SLC9A7: variants seen among roughly 807,000 people sequenced by gnomAD.
The protein encoded by SLC9A7 is solute carrier family 9 member A7.
A neutral mutation model predicts 52.6 loss-of-function variants in SLC9A7; 19 were observed. The observed-to-expected ratio is 0.36, with a 90% CI of 0.25 to 0.53. The LOEUF is 0.53. SLC9A7 is among the 20% of genes least tolerant of loss of function. The pLI is 0.91. For synonymous variants in SLC9A7, 226 were observed against 252.1 expected, an observed-to-expected ratio of 0.90 and a Z score of 0.98; for missense variants, 455 against 597.9, an observed-to-expected ratio of 0.76 and a Z score of 2.49.
intron 11 of SLC9A7, among the ~76,000 whole-genome samples, chrX:46,646,369 A>G (rs1943492452): frequency 8.9e-6 from 1 of 111,853 alleles, no homozygotes; most frequent in African/African-American, 3.3e-5. Context: ...CTTGGACTGA[A>G]AATCTGTGCC....
chrX:46,606,651 G>T lies in SLC9A7; in HGVS notation c.*301C>A. On this transcript the variant is annotated 3_prime_UTR_variant, in exon 17 of 17. Transcript: ENST00000616978. ...TGCCTCGCCTTGTTCAGATACTGCAGGTGAATGAATTAGGAGACCATTAAA... is the reference window on the plus strand; with the variant it reads ...TGCCTCGCCTTGTTCAGATACTGCATGTGAATGAATTAGGAGACCATTAAA... 1.0e-6 allele frequency: 1 copy of T among 972,324 alleles called. No homozygotes were observed. Among genetic ancestry groups the T allele is most frequent in the East Asian group, 4.8e-5 (1 of 20,807 alleles). 80.1% of individuals were successfully genotyped at this position (972,324 alleles called of 1,213,427 possible). A position where few individuals can be genotyped will look rare whatever the true frequency, so the allele number is the denominator to read the frequency against.
intron 1 of SLC9A7, among the ~76,000 whole-genome samples, chrX:46,699,508 G>C (rs1288608081): frequency 1.8e-5 from 2 of 111,819 alleles, no homozygotes; most frequent in Non-Finnish European, 3.8e-5. Flanking sequence ...AGTGTAGGTT[G>C]ATTATACTTG....
intron 1 of SLC9A7, among the ~76,000 whole-genome samples, chrX:46,683,440 A>T (rs112891731): frequency 9.0e-6 from 1 of 111,519 alleles, no homozygotes; most frequent in Non-Finnish European, 1.9e-5. Flanking sequence ...GGGAAGTGAA[A>T]CACTGCAGTG....
chrX:46,695,972 T>TTTAC (rs766780395), intron 1 of SLC9A7, among the ~76,000 whole-genome samples: 56 of 90,173 alleles, frequency 6.2e-4, no homozygotes, highest in African/African-American at 1.5e-3. Flanking sequence ...ACTTTATATT[T>TTTAC]TTACTTATTT....
chrX:46,629,602 G>A (rs776797526), intron 14 of SLC9A7, among the ~76,000 whole-genome samples: 2 of 111,854 alleles, frequency 1.8e-5, no homozygotes, highest in Non-Finnish European at 3.8e-5. Flanking sequence ...CAGCAAAGGG[G>A]GTGGGGATGT....
chrX:46,729,348 G>C, intron 1 of SLC9A7, among the ~76,000 whole-genome samples: 1 of 112,300 alleles, frequency 8.9e-6, no homozygotes, highest in Admixed American at 9.4e-5. Flanking sequence ...TTGTAGAATT[G>C]TTTGGTGCAT....
chrX:46,730,670 T>TTCTATATATATATA (rs1945016902), intron 1 of SLC9A7, among the ~76,000 whole-genome samples: 1 of 42,928 alleles, frequency 2.3e-5, no homozygotes, highest in Non-Finnish European at 4.7e-5. Context: ...AAAAAAAAAA[T>TTCTATATATATATA]TATATATATA....
chrX:46,635,846 T>C (rs779859276), intron 12 of SLC9A7, among the ~76,000 whole-genome samples, 198 bp from the exon 13 acceptor site: 4 of 111,614 alleles, frequency 3.6e-5, no homozygotes, highest in Non-Finnish European at 7.5e-5. Flanking sequence ...AAGGCAACAA[T>C]GTCAAGAGCC....
rs200224398 is a variant in SLC9A7 at position 46,631,653 on chromosome X, A to G, written c.1677-4T>C. 110 of 1,201,682 alleles carry G rather than the reference A, an allele frequency of 9.2e-5. No homozygotes were observed. The highest frequency in any genetic ancestry group is 1.2e-4 in the Non-Finnish European group (106 of 888,252). ...TTGATCGGGGTCAACACCAACTCTG[A>G]AAGTCACCAGGGAGAAAGACAAAGA... is the stretch of plus-strand genomic sequence containing the variant. On this transcript the variant is annotated splice_region_variant and splice_polypyrimidine_tract_variant and intron_variant, in intron 13 of 16. Transcript: ENST00000616978.
chrX:46,602,613 A>G lies in SLC9A7; in HGVS notation c.*4339T>C, dbSNP rs2073556932. ...TCCTAATTCACAGCCAGGGTTGAGAACCTCTGCTCTAGAACATCGGACTCG... is the reference window on the plus strand; with the variant it reads ...TCCTAATTCACAGCCAGGGTTGAGAGCCTCTGCTCTAGAACATCGGACTCG... On this transcript the variant is annotated 3_prime_UTR_variant, in exon 17 of 17. Coordinates refer to ENST00000616978, the MANE Select transcript of SLC9A7 (RefSeq NM_001257291.2). The G allele has an allele frequency of 8.9e-6, 1 of 112,371 alleles. No individual in the cohort carries two copies. The highest frequency in any genetic ancestry group is 1.9e-5 in the Non-Finnish European group (1 of 53,261). The allele number at this position is 112,371 out of a possible 1,213,427, so 9.3% of individuals were successfully genotyped here. A position where few individuals can be genotyped will look rare whatever the true frequency, so the allele number is the denominator to read the frequency against.
At position 46,758,873 on chromosome X, in the gene SLC9A7, C is replaced by A; in HGVS notation, c.157G>T (p.Ala53Ser). ...SSGAAAEDSS[A>S]MEELATEKEA... ...TTCTCAGTAGCGAGCTCCTCCATGG[C>A]GCTGCTGTCCTCCGCCGCCGCCCCA... Residue 53 changes from alanine (A) to serine (S), a missense_variant, in exon 1 of 17, where the codon GCC (alanine) becomes TCC (serine). Ala to Ser is a moderately conservative substitution (Grantham distance 99). Around this residue, in one of 3 missense-constraint regions of SLC9A7, gnomAD observed 304 missense variants for 417.8 expected, o/e 0.73. Coordinates refer to ENST00000616978, the MANE Select transcript of SLC9A7 (RefSeq NM_001257291.2). 8.4e-7 allele frequency: 1 copy of A among 1,194,276 alleles called. No homozygotes were observed. Among genetic ancestry groups the A allele is most frequent in the Non-Finnish European group, 1.1e-6 (1 of 887,870 alleles).
At chrX:46,669,036 C>T (rs1370166501) in intron 5 of SLC9A7, among the ~76,000 whole-genome samples, 2 of 108,818 alleles carry the variant, frequency 1.8e-5, no homozygotes, top group African/African-American at 6.7e-5. Flanking sequence ...GGCGTGGTGG[C>T]AGGCGCCTGT....
intron 1 of SLC9A7, among the ~76,000 whole-genome samples, chrX:46,701,804 T>G (rs1944536363): frequency 9.0e-6 from 1 of 111,063 alleles, no homozygotes; most frequent in Admixed American, 9.6e-5. Flanking sequence ...AAGCTACATA[T>G]ACTATTTTGT....
chrX:46,674,852 A>C (rs1944084405), intron 3 of SLC9A7, among the ~76,000 whole-genome samples: 1 of 111,748 alleles, frequency 8.9e-6, no homozygotes, highest in African/African-American at 3.3e-5. Context: ...GTCTTCAAAA[A>C]TATAAGCCCA....
At chrX:46,668,231 C>T (rs778238443) in intron 5 of SLC9A7, among the ~76,000 whole-genome samples, 10 of 112,152 alleles carry the variant, frequency 8.9e-5, no homozygotes, top group East Asian at 2.8e-4. Context: ...GTTATACAGC[C>T]GGGCACGGTG....
chrX:46,660,675 C>T (rs1304773361), intron 7 of SLC9A7, among the ~76,000 whole-genome samples: 1 of 110,115 alleles, frequency 9.1e-6, no homozygotes. Flanking sequence ...AATGAGATAC[C>T]ATCTCACACC....
intron 11 of SLC9A7, chrX:46,646,671 T>C (rs1380258684): frequency 1.1e-5 from 3 of 272,439 alleles, no homozygotes; most frequent in East Asian, 9.0e-5. Flanking sequence ...AGGAACTGCA[T>C]GCGCCTGATG....
chrX:46,628,449 A>T (rs1943171968), intron 14 of SLC9A7, among the ~76,000 whole-genome samples: 1 of 111,535 alleles, frequency 9.0e-6, no homozygotes, highest in Non-Finnish European at 1.9e-5. Context: ...TTACCAGGGG[A>T]CACAAAGCTG....
intron 15 of SLC9A7, among the ~76,000 whole-genome samples, chrX:46,616,609 A>G (rs971774196): frequency 3.6e-5 from 4 of 111,069 alleles, no homozygotes; most frequent in Admixed American, 1.9e-4. Flanking sequence ...GTTTTGTTTG[A>G]TCTTTATGTT....
Sources: allele counts gnomAD v4.1 joint callset (sites outside exome capture counted in the v4.1 genomes callset), GRCh38; gene constraint gnomAD v4.1.1; regional missense constraint gnomAD v4.1.1; transcripts MANE v1.5; gene names NCBI Gene and HGNC (gene_info 2026-07-23, HGNC 2026-07-21).